Variants in ITGAM observed in about 807,000 individuals in gnomAD.
ITGAM encodes the protein integrin alpha-M.
ITGAM carries 79 observed loss-of-function variants against 137.5 expected under a neutral mutation model. The ratio of observed to expected loss-of-function variants is 0.57; its 90% CI spans 0.48 to 0.69. ITGAM has a LOEUF of 0.69. Ranked by LOEUF, ITGAM falls within the 30% of genes least tolerant of loss-of-function variation. The pLI is 0.00. For synonymous variants in ITGAM, 583 were observed against 592.3 expected (o/e 0.98, Z 0.23); for missense variants, 1,343 against 1,483.5 (o/e 0.91, Z 1.56).
chr16:31,289,869 G>A (rs569649511), intron 12 of ITGAM, among the ~76,000 whole-genome samples: 92 of 152,148 alleles, frequency 6.0e-4, no homozygotes, highest in African/African-American at 2.2e-3. Context: ...ATCACCTGAG[G>A]TCAGGAGTTT....
rs773480766 is a variant in ITGAM, at chr16:31,325,047, T to G, written c.2363+16T>G. On this transcript the variant is annotated intron_variant, in intron 19 of 29. Coordinates refer to ENST00000544665, the MANE Select transcript of ITGAM (RefSeq NM_000632.4). Reference sequence around the variant, plus strand: ...GTTTCATGAGGTGAGTTTCCTTTCCTCCTCACCTCCTCCAGAGAAGGACCC... The same window carrying G: ...GTTTCATGAGGTGAGTTTCCTTTCCGCCTCACCTCCTCCAGAGAAGGACCC... 57 of 1,599,858 alleles carry G rather than the reference T, an allele frequency of 3.6e-5. No individual in the cohort carries two copies. Among genetic ancestry groups the G allele is most frequent in the Non-Finnish European group, 4.8e-5 (56 of 1,169,668 alleles).
rs1489744796 is a variant in ITGAM at position 31,330,312 on chromosome 16, G to T, written c.3065G>T (p.Cys1022Phe). The T allele has an allele frequency of 6.2e-7, 1 of 1,613,456 alleles. No homozygotes were observed. The highest frequency in any genetic ancestry group is 8.5e-7 in the Non-Finnish European group (1 of 1,179,370). ...CTCCCCTCCTGCGTTCCCCAGAACT[G>T]CTCCATCGCTGTCTGCCAGAGAATC... Reference protein sequence around the residue: ...AELRKAPVVNCSIAVCQRIQC... With the variant: ...AELRKAPVVNFSIAVCQRIQC... The change falls in exon 27 of 30, where the codon TGC (cysteine) becomes TTC (phenylalanine). Residue 1022 changes from cysteine (C) to phenylalanine (F), a missense_variant. Coordinates refer to ENST00000544665, the MANE Select transcript of ITGAM (RefSeq NM_000632.4).
chr16:31,277,028 G>A lies in ITGAM; in HGVS notation c.1192G>A (p.Asp398Asn). ...CATCAACATGACCAGAGTGGATTCAGACATGAATGATGCTTACTTGGGTAA... is the reference window on the plus strand; with the variant it reads ...CATCAACATGACCAGAGTGGATTCAAACATGAATGATGCTTACTTGGGTAA... ...TFINMTRVDS[D>N]MNDAYLGYAA... The change falls in exon 11 of 30, where the codon GAC becomes AAC. Residue 398 changes from aspartate (D) to asparagine (N), a missense_variant. Transcript: ENST00000544665. 1 of 1,612,434 alleles carries A rather than the reference G, an allele frequency of 6.2e-7. No individual in the cohort carries two copies. Among genetic ancestry groups the A allele is most frequent in the Non-Finnish European group, 8.5e-7 (1 of 1,179,192 alleles).
intron 5 of ITGAM, 44 bp downstream of exon 5, chr16:31,266,191 C>G: frequency 7.3e-7 from 1 of 1,370,838 alleles, no homozygotes; most frequent in South Asian, 1.2e-5. Context: ...AGCAAAAGAC[C>G]AGGGGAGGGG....
rs1222993030 is a variant in ITGAM at position 31,275,603 on chromosome 16, T to C, written c.913T>C (p.Ser305Pro). The change falls in exon 9 of 30, where the codon TCC (serine) becomes CCC (proline). Residue 305 changes from serine to proline, a missense_variant. Transcript: ENST00000544665. Reference sequence around the variant, plus strand: ...CCGCCAAGAGCTTAATACCATCGCATCCAAGCCGCCTCGTGATCACGTGTT... The same window carrying C: ...CCGCCAAGAGCTTAATACCATCGCACCCAAGCCGCCTCGTGATCACGTGTT... ...KSRQELNTIA[S>P]KPPRDHVFQV... The C allele has an allele frequency of 6.2e-7, 1 of 1,613,922 alleles. No individual in the cohort carries two copies. The highest frequency in any genetic ancestry group is 8.5e-7 in the Non-Finnish European group (1 of 1,179,866).
rs187806357 is a variant in ITGAM, at chr16:31,307,128, G to A, written c.1707+9174G>A. Among the ~76,000 whole-genome samples the A allele has an allele frequency of 5.4e-4, 82 of 152,150 alleles. 1 individual carries two copies. In the East Asian group the frequency reaches 0.014, roughly 25 times the overall value. ...TGGCTTAGGATTGACTTGGCAATGC[G>A]GGCTCTTTTTTGGTTCCATATGAAC... On this transcript the variant is annotated intron_variant, in intron 14 of 29. Transcript: ENST00000544665.
intron 5 of ITGAM, among the ~76,000 whole-genome samples, chr16:31,269,623 A>G (rs2079806880): frequency 6.6e-6 from 1 of 152,168 alleles, no homozygotes; most frequent in South Asian, 2.1e-4. Context: ...GGGTTTATTT[A>G]TAAAGGGAGT....
chr16:31,294,030 T>A (rs982426147), intron 12 of ITGAM, among the ~76,000 whole-genome samples: 4 of 152,078 alleles, frequency 2.6e-5, no homozygotes, highest in Non-Finnish European at 5.9e-5. Flanking sequence ...CTGATTTGGC[T>A]CCCAGCTCTT....
chr16:31,321,665 C>A, intron 16 of ITGAM, 38 bp downstream of exon 16: 2 of 1,598,650 alleles, frequency 1.3e-6, no homozygotes, highest in Non-Finnish European at 1.7e-6. Context: ...GGTTAAACGA[C>A]CGAGGACATG....
At chr16:31,284,063 G>T (rs892844676) in intron 12 of ITGAM, among the ~76,000 whole-genome samples, 4 of 152,174 alleles carry the variant, frequency 2.6e-5, no homozygotes, top group African/African-American at 9.7e-5. Flanking sequence ...AACGGCAAAT[G>T]TTGCTGCCTG....
intron 5 of ITGAM, among the ~76,000 whole-genome samples, chr16:31,270,743 A>ATTT (rs1475429642): frequency 1.2e-3 from 130 of 106,174 alleles, no homozygotes; most frequent in African/African-American, 2.7e-3. Flanking sequence ...ATATATATAT[A>ATTT]TGTTTTTAAC....
chr16:31,268,684 G>T (rs2079796523), intron 5 of ITGAM, among the ~76,000 whole-genome samples: 1 of 152,200 alleles, frequency 6.6e-6, no homozygotes, highest in South Asian at 2.1e-4. Flanking sequence ...TACAGATAAA[G>T]TCGAGCTCCT....
rs1423213626 is a variant in ITGAM, at chr16:31,332,460, C to CA, written c.*758dup. 5.3e-5 allele frequency: 8 copies of CA among 152,240 alleles called. No individual in the cohort carries two copies. Among genetic ancestry groups the CA allele is most frequent in the Admixed American group, 2.6e-4 (4 of 15,292 alleles). 9.4% of individuals were successfully genotyped at this position (152,240 alleles called of 1,614,324 possible). ...TGGATGGATAAGCTTGTCTATGGTA[C>CA]AAAAATCACAAGGCATTCAAGTGTA... On this transcript the variant is annotated 3_prime_UTR_variant, in exon 30 of 30. Transcript: ENST00000544665.
intron 29 of ITGAM, 21 bp downstream of exon 29, chr16:31,331,296 AC>A: frequency 5.2e-6 from 6 of 1,149,366 alleles, no homozygotes; most frequent in East Asian, 2.8e-5. Flanking sequence ...CTGCTCCCCC[AC>A]CCCCTCCCTT....
Position 31,331,162 on chromosome 16 carries a change from C to T in ITGAM, c.3277-3C>T. 1 of 1,580,548 alleles carries T rather than the reference C, an allele frequency of 6.3e-7. No homozygotes were observed. Among genetic ancestry groups the T allele is most frequent in the Non-Finnish European group, 8.7e-7 (1 of 1,150,724 alleles). On this transcript the variant is annotated splice_region_variant and splice_polypyrimidine_tract_variant and intron_variant, in intron 28 of 29. Coordinates refer to ENST00000544665, the MANE Select transcript of ITGAM (RefSeq NM_000632.4). Reference sequence around the variant, plus strand: ...CCCCTGACGCCCCTCCTTCCTCCCCCAGACGGAGACCAAAGTGGAGCCGTT... The same window carrying T: ...CCCCTGACGCCCCTCCTTCCTCCCCTAGACGGAGACCAAAGTGGAGCCGTT...
chr16:31,283,682 G>A (rs2079995375), intron 12 of ITGAM, among the ~76,000 whole-genome samples: 1 of 152,160 alleles, frequency 6.6e-6, no homozygotes, highest in Non-Finnish European at 1.5e-5. Flanking sequence ...CTTTAGCTCG[G>A]AGAAGTTTGT....
At chr16:31,327,771 A>G (rs1237690668) in intron 22 of ITGAM, among the ~76,000 whole-genome samples, 5 of 152,078 alleles carry the variant, frequency 3.3e-5, no homozygotes, top group African/African-American at 1.2e-4. Context: ...TGCAGGGCTG[A>G]AGGAGTTGGT....
chr16:31,262,672 T>G (rs970919735), intron 2 of ITGAM, among the ~76,000 whole-genome samples: 1 of 152,146 alleles, frequency 6.6e-6, no homozygotes, highest in African/African-American at 2.4e-5. Flanking sequence ...CCCAACTTGC[T>G]GGGATGATAG....
In ITGAM at chr16:31,268,161, C is replaced by T. The variant is rs567742256; in HGVS notation, c.427+2014C>T. On this transcript the variant is annotated intron_variant, in intron 5 of 29. Transcript: ENST00000544665. The stretch of plus-strand genomic sequence containing the variant: ...TTCCTGAGTGCATTCTCTTCACCCC[C>T]GGCTGGCCTCCAGCTTCCCTCTCCA... Among the ~76,000 whole-genome samples, 6 of 152,210 alleles carry T rather than the reference C, an allele frequency of 3.9e-5. No homozygotes were observed. In the South Asian group the frequency reaches 6.2e-4, roughly 16 times the overall value.
Sources: gnomAD v4.1 joint callset for allele counts (sites outside exome capture counted in the v4.1 genomes callset) on GRCh38, gnomAD v4.1.1 for gene constraint, MANE v1.5 for transcripts, NCBI Gene and HGNC (gene_info 2026-07-23, HGNC 2026-07-21) for gene names.